Variants in RAB11FIP3 observed in about 807,000 individuals in gnomAD.
RAB11FIP3 encodes RAB11 family interacting protein 3, also known as rab11 family-interacting protein 3.
In RAB11FIP3, 17 loss-of-function variants were observed where a neutral mutation model predicts 77.8. That is an observed-to-expected ratio of 0.22 (90% confidence interval 0.15 to 0.33). The LOEUF (loss-of-function observed/expected upper bound fraction) is 0.33, where lower values mean the gene tolerates loss of function less well. Ranked by LOEUF, RAB11FIP3 falls within the 10% of genes least tolerant of loss-of-function variation. RAB11FIP3 has a pLI of 1.00. For missense variants in RAB11FIP3, 1,005 were observed against 1,011.2 expected (o/e 0.99, Z 0.08); for synonymous variants, 437 against 448.2 (o/e 0.98, Z 0.31).
intron 1 of RAB11FIP3, among the ~76,000 whole-genome samples, chr16:437,818 T>C (rs1418526005): frequency 1.3e-5 from 2 of 152,110 alleles, no homozygotes; most frequent in Non-Finnish European, 2.9e-5. Context: ...TTTGAGACAG[T>C]GTCTCGCTCT....
intron 1 of RAB11FIP3, among the ~76,000 whole-genome samples, chr16:429,967 A>G (rs980678993): frequency 2.6e-5 from 4 of 152,086 alleles, no homozygotes; most frequent in Non-Finnish European, 4.4e-5. Flanking sequence ...TTCTTTAGCA[A>G]TGTCATGGTG....
At chr16:469,994 C>CT (rs1478107485) in intron 2 of RAB11FIP3, among the ~76,000 whole-genome samples, 1 of 151,798 alleles carries the variant, frequency 6.6e-6, no homozygotes, top group African/African-American at 2.4e-5. Context: ...CTTTTCTTTT[C>CT]TTTCTTTCTT....
rs1313367520 is a variant in RAB11FIP3, at chr16:520,970, C to G, written c.*131C>G. 6.6e-6 allele frequency: 5 copies of G among 761,978 alleles called. No homozygotes were observed. In the African/African-American group the frequency reaches 8.6e-5, roughly 13 times the overall value. The allele number at this position is 761,978 out of a possible 1,614,324, so 47.2% of individuals were successfully genotyped here. A position where few individuals can be genotyped will look rare whatever the true frequency, so the allele number is the denominator to read the frequency against. ...CCAGAGCATGCAGGGAACCCTCGTG[C>G]AGCTGAGCTGGGGCCGCCAAAGACC... On this transcript the variant is annotated 3_prime_UTR_variant, in exon 14 of 14. Transcript: ENST00000262305.
chr16:435,563 A>C (rs2055114459), intron 1 of RAB11FIP3, among the ~76,000 whole-genome samples: 1 of 152,224 alleles, frequency 6.6e-6, no homozygotes, highest in African/African-American at 2.4e-5. Flanking sequence ...TTTTGAAGAA[A>C]TATTAAAAGT....
At chr16:513,086 T>G (rs2032258335) in intron 9 of RAB11FIP3, among the ~76,000 whole-genome samples, 1 of 152,196 alleles carries the variant, frequency 6.6e-6, no homozygotes, top group Non-Finnish European at 1.5e-5. Flanking sequence ...CAAGGGACGG[T>G]TATTGATTTT....
rs1305969879 is a variant in RAB11FIP3, at chr16:505,421, T to A, written c.1396-103T>A. On this transcript the variant is annotated intron_variant, in intron 7 of 13. Transcript: ENST00000262305. The surrounding 1 kb of genome is among the most constrained non-coding windows in gnomAD (Gnocchi z 4.0). The stretch of plus-strand genomic sequence containing the variant: ...CAGCCTAGCTAGGTGGATCTGATTC[T>A]GTGCTGAGAAAATCCCCAGGCGGCC... 1 of 838,612 alleles carries A rather than the reference T, an allele frequency of 1.2e-6. No homozygotes were observed. Among genetic ancestry groups the A allele is most frequent in the Non-Finnish European group, 1.8e-6 (1 of 541,502 alleles). The allele number at this position is 838,612 out of a possible 1,614,324, so 51.9% of individuals were successfully genotyped here. A position where few individuals can be genotyped will look rare whatever the true frequency, so the allele number is the denominator to read the frequency against.
intron 2 of RAB11FIP3, among the ~76,000 whole-genome samples, chr16:470,198 A>G (rs567709608): frequency 1.3e-5 from 2 of 152,046 alleles, no homozygotes; most frequent in Admixed American, 1.3e-4. Context: ...GGGTTTCACC[A>G]TGTTGGTCAG....
At position 426,867 on chromosome 16, in the gene RAB11FIP3, C is replaced by T; in HGVS notation, c.714+147C>T. The T allele has an allele frequency of 1.8e-6, 1 of 548,256 alleles. No homozygotes were observed. The highest frequency in any genetic ancestry group is 3.0e-6 in the Non-Finnish European group (1 of 334,570). 34.0% of individuals were successfully genotyped at this position (548,256 alleles called of 1,614,324 possible). On this transcript the variant is annotated intron_variant, in intron 1 of 13. Transcript: ENST00000262305. The surrounding 1 kb of genome is among the most constrained non-coding windows in gnomAD (Gnocchi z 5.0). ...TCCTGCTTTTTCTGCTTATTCACCA[C>T]TTCGGCCCTGGATTTCTGGTTGAAT...
intron 1 of RAB11FIP3, among the ~76,000 whole-genome samples, chr16:434,586 C>T (rs1028842753): frequency 6.6e-6 from 1 of 151,968 alleles, no homozygotes; most frequent in African/African-American, 2.4e-5. Context: ...GTTACCACAC[C>T]TGCCTAATTT....
At chr16:438,820 G>T (rs1339904677) in intron 1 of RAB11FIP3, among the ~76,000 whole-genome samples, 1 of 151,974 alleles carries the variant, frequency 6.6e-6, no homozygotes, top group African/African-American at 2.4e-5. Flanking sequence ...CTCCCAAGTA[G>T]CTGGGACTAC....
chr16:458,555 G>T, intron 1 of RAB11FIP3, among the ~76,000 whole-genome samples: 1 of 149,362 alleles, frequency 6.7e-6, no homozygotes, highest in Non-Finnish European at 1.5e-5. Context: ...GGGCCTGGGG[G>T]GCCTTCCTCG....
chr16:497,415 G>C, intron 6 of RAB11FIP3: 1 of 1,260,994 alleles, frequency 7.9e-7, no homozygotes, highest in Non-Finnish European at 1.0e-6. Context: ...GAGCCACTCA[G>C]TGTGGCTGCC....
chr16:497,708 T>C (rs908856525), intron 6 of RAB11FIP3, among the ~76,000 whole-genome samples: 6 of 152,180 alleles, frequency 3.9e-5, no homozygotes, highest in Non-Finnish European at 7.3e-5. Flanking sequence ...CTCATTTGTT[T>C]TCTCTGGTTT....
rs2031950632 is a variant in RAB11FIP3 at position 507,841 on chromosome 16, A to C, written c.1499+2214A>C. On this transcript the variant is annotated intron_variant, in intron 8 of 13. Transcript: ENST00000262305. The surrounding 1 kb of genome is among the most constrained non-coding windows in gnomAD (Gnocchi z 4.6). ...GAGTACGTTTCCCGTTTTCAGTATCATCTGCCCGTTCTGAGCCATTTGCTC... is the reference window on the plus strand; with the variant it reads ...GAGTACGTTTCCCGTTTTCAGTATCCTCTGCCCGTTCTGAGCCATTTGCTC... Among the ~76,000 whole-genome samples the C allele has an allele frequency of 1.3e-5, 2 of 151,856 alleles. No homozygotes were observed. The highest frequency in any genetic ancestry group is 4.8e-5 in the African/African-American group (2 of 41,302).
chr16:432,604 G>T (rs12103172), intron 1 of RAB11FIP3, among the ~76,000 whole-genome samples: 54,497 of 97,224 alleles, frequency 0.56, 14,284 homozygotes, highest in African/African-American at 0.67. Context: ...TTTTTTTTTT[G>T]TGTGTGTGTG....
chr16:453,167 C>T (rs572107939), intron 1 of RAB11FIP3, among the ~76,000 whole-genome samples: 2 of 151,726 alleles, frequency 1.3e-5, no homozygotes, highest in South Asian at 2.1e-4. Flanking sequence ...CTCCACCTCC[C>T]GGGTTCAAGT....
chr16:492,036 A>G (rs963425216), intron 5 of RAB11FIP3, among the ~76,000 whole-genome samples: 4 of 152,146 alleles, frequency 2.6e-5, no homozygotes, highest in African/African-American at 9.7e-5. Context: ...TGACGGTTCT[A>G]GCATGTTTAG....
At position 426,839 on chromosome 16, in the gene RAB11FIP3, C is replaced by A; in HGVS notation, c.714+119C>A. On this transcript the variant is annotated intron_variant, in intron 1 of 13. Coordinates refer to ENST00000262305, the MANE Select transcript of RAB11FIP3 (RefSeq NM_014700.4). This position sits in a 1 kb window ranked among gnomAD's most constrained non-coding sequence, Gnocchi z 5.0. ...CGGGAAAGGCACTGTCAAGACCTGA[C>A]GGTCCTGCTTTTTCTGCTTATTCAC... 1.3e-6 allele frequency: 1 copy of A among 749,436 alleles called. No homozygotes were observed. Among genetic ancestry groups the A allele is most frequent in the Non-Finnish European group, 2.0e-6 (1 of 501,878 alleles). The allele number at this position is 749,436 out of a possible 1,614,324, so 46.4% of individuals were successfully genotyped here.
intron 9 of RAB11FIP3, among the ~76,000 whole-genome samples, chr16:517,804 C>T (rs889589163): frequency 6.6e-6 from 1 of 151,900 alleles, no homozygotes; most frequent in Middle Eastern, 3.4e-3. Flanking sequence ...GGATCTTGGC[C>T]GGGCGCGGTG....
Sources: gnomAD v4.1 joint callset for allele counts (sites outside exome capture counted in the v4.1 genomes callset) on GRCh38, gnomAD v4.1.1 for gene constraint, Gnocchi (gnomAD v3.1) non-coding constraint, MANE v1.5 for transcripts, NCBI Gene and HGNC (gene_info 2026-07-23, HGNC 2026-07-21) for gene names.